PCDH15: variants seen among roughly 807,000 people sequenced by gnomAD.
PCDH15 encodes the protein protocadherin related 15, also known as protocadherin-15.
A neutral mutation model predicts 178.5 loss-of-function variants in PCDH15; 129 were observed. That is an observed-to-expected ratio of 0.72 (90% CI 0.63 to 0.84). The LOEUF (loss-of-function observed/expected upper bound fraction) is 0.84, where lower values mean the gene tolerates loss of function less well. Ranked by LOEUF, PCDH15 falls within the 40% of genes least tolerant of loss-of-function variation. The pLI is 0.00. For synonymous variants in PCDH15, 800 were observed against 732.0 expected (o/e 1.09, Z -1.50); for missense variants, 2,230 against 2,099.9 (o/e 1.06, Z -1.21).
chr10:55,215,385 C>A (rs1371575866), intron 1 of PCDH15, among the ~76,000 whole-genome samples: 1 of 152,030 alleles, frequency 6.6e-6, no homozygotes, highest in Non-Finnish European at 1.5e-5. Context: ...GTACAGTGGG[C>A]AGTATTCTGC....
At chr10:54,611,055 G>C (rs115529409) in intron 2 of PCDH15, among the ~76,000 whole-genome samples, 1,924 of 151,786 alleles carry the variant, frequency 0.013, 44 homozygotes, top group African/African-American at 0.044. Flanking sequence ...TACCACAAAT[G>C]AAAGACATGA....
At chr10:55,024,149 A>T (rs1039167862) in intron 2 of PCDH15, among the ~76,000 whole-genome samples, 1 of 147,076 alleles carries the variant, frequency 6.8e-6, no homozygotes, top group African/African-American at 2.5e-5. Flanking sequence ...AGGAAGGAAT[A>T]TATATAGAGA....
intron 8 of PCDH15, among the ~76,000 whole-genome samples, chr10:54,298,389 C>T (rs1233329140): frequency 3.3e-5 from 5 of 152,152 alleles, no homozygotes; most frequent in African/African-American, 4.8e-5. Context: ...AAAGGAAAAG[C>T]GAGATCAGAG....
chr10:54,367,286 G>A (rs1259434606), intron 5 of PCDH15, among the ~76,000 whole-genome samples: 1 of 152,070 alleles, frequency 6.6e-6, no homozygotes, highest in Non-Finnish European at 1.5e-5. Flanking sequence ...CAGAAGAAGT[G>A]ACCTTTTGAC....
chr10:55,101,656 T>C (rs1181078776), intron 2 of PCDH15, among the ~76,000 whole-genome samples: 1 of 151,828 alleles, frequency 6.6e-6, no homozygotes, highest in African/African-American at 2.4e-5. Context: ...TTAGATCTAG[T>C]TTGTAAAGTA....
At chr10:55,327,166 G>C (rs1034394898) in intron 2 of PCDH15, among the ~76,000 whole-genome samples, 1 of 152,002 alleles carries the variant, frequency 6.6e-6, no homozygotes, top group Non-Finnish European at 1.5e-5. Flanking sequence ...CGAGACCCCA[G>C]CAATATATCT....
intron 2 of PCDH15, among the ~76,000 whole-genome samples, chr10:55,003,048 T>C (rs1051259889): frequency 1.3e-5 from 2 of 152,204 alleles, no homozygotes; most frequent in African/African-American, 4.8e-5. Context: ...GTATGAGATT[T>C]CTGAAATTCT....
chr10:54,760,706 G>C (rs990103287), intron 1 of PCDH15, among the ~76,000 whole-genome samples: 5 of 152,098 alleles, frequency 3.3e-5, no homozygotes, highest in African/African-American at 1.2e-4. Context: ...GAGATGTTTA[G>C]AATTAAATGT....
At chr10:54,107,120 A>G (rs1321463413) in intron 15 of PCDH15, among the ~76,000 whole-genome samples, 1 of 152,208 alleles carries the variant, frequency 6.6e-6, no homozygotes, top group Non-Finnish European at 1.5e-5. Context: ...ATATTTTATT[A>G]ATAGAATCAA....
chr10:54,798,884 G>GA (rs1185206151), intron 1 of PCDH15, among the ~76,000 whole-genome samples: 2 of 151,908 alleles, frequency 1.3e-5, no homozygotes, highest in African/African-American at 4.8e-5. Context: ...ATTTAAGTAG[G>GA]AAAAAAAGTT....
At chr10:54,892,078 C>T (rs1268048794) in intron 3 of PCDH15, among the ~76,000 whole-genome samples, 1 of 152,090 alleles carries the variant, frequency 6.6e-6, no homozygotes, top group African/African-American at 2.4e-5. Context: ...ACCCCACATA[C>T]ATACACCCCC....
At chr10:55,422,520 G>T (rs963679609) in intron 2 of PCDH15, among the ~76,000 whole-genome samples, 5 of 151,784 alleles carry the variant, frequency 3.3e-5, no homozygotes, top group Middle Eastern at 3.2e-3. Context: ...ATAAATTGTA[G>T]GTTAAATGTA....
chr10:55,255,582 G>A (rs1841973785), intron 1 of PCDH15, among the ~76,000 whole-genome samples: 1 of 152,082 alleles, frequency 6.6e-6, no homozygotes, highest in South Asian at 2.1e-4. Context: ...GTGTAAAAGT[G>A]TTCCTATTTC....
intron 3 of PCDH15, among the ~76,000 whole-genome samples, chr10:54,846,926 C>T (rs533164036): frequency 2.0e-5 from 3 of 152,134 alleles, no homozygotes; most frequent in Admixed American, 6.5e-5. Context: ...ACATATAATG[C>T]ACGTGTTGTA....
At chr10:54,490,402 A>G (rs1402931970) in intron 3 of PCDH15, among the ~76,000 whole-genome samples, 2 of 152,224 alleles carry the variant, frequency 1.3e-5, no homozygotes, top group African/African-American at 4.8e-5. Context: ...GTGAGCTGAG[A>G]TCACGCCACT....
chr10:54,220,868 A>G lies in PCDH15; in HGVS notation c.986-6820T>C, dbSNP rs12266226. 5.8e-3 allele frequency among the ~76,000 whole-genome samples: 825 copies of G among 143,270 alleles called. 6 individuals are homozygous for G. The highest frequency in any genetic ancestry group is 0.035 in the South Asian group (157 of 4,540). The allele number at this position is 143,270 out of a possible 152,430, so 94.0% of individuals were successfully genotyped here. A position where few individuals can be genotyped will look rare whatever the true frequency, so the allele number is the denominator to read the frequency against. ...AATAAATAAATAAATAAATAAATAA[A>G]TAAGTAAAATAAATACATCTCCTTG... On this transcript the variant is annotated intron_variant, in intron 9 of 37. Coordinates refer to ENST00000644397, the MANE Select transcript of PCDH15 (RefSeq NM_001384140.1).
At chr10:55,193,897 C>T (rs1840010241) in intron 1 of PCDH15, among the ~76,000 whole-genome samples, 2 of 151,806 alleles carry the variant, frequency 1.3e-5, no homozygotes, top group Non-Finnish European at 2.9e-5. Flanking sequence ...AACTATGGGT[C>T]CCTTAAATAA....
At chr10:54,658,106 A>C (rs1201493206) in intron 2 of PCDH15, among the ~76,000 whole-genome samples, 1 of 152,174 alleles carries the variant, frequency 6.6e-6, no homozygotes, top group East Asian at 1.9e-4. Context: ...ATAATTTTTA[A>C]AAATGAACAA....
At chr10:54,168,980 C>T (rs968811149) in intron 13 of PCDH15, among the ~76,000 whole-genome samples, 3 of 152,140 alleles carry the variant, frequency 2.0e-5, no homozygotes, top group African/African-American at 4.8e-5. Context: ...ATGCCTGAAC[C>T]GCAGCGGCCA....
Sources: allele counts gnomAD v4.1 joint callset (sites outside exome capture counted in the v4.1 genomes callset), GRCh38; gene constraint gnomAD v4.1.1; transcripts MANE v1.5; gene names NCBI Gene and HGNC (gene_info 2026-07-23, HGNC 2026-07-21).